The following CLUL1 variants were observed in gnomAD, a reference collection of about 807,000 sequenced individuals.
The protein encoded by CLUL1 is clusterin-like protein 1.
Under a neutral mutation model 49.4 loss-of-function variants are expected in CLUL1, and 43 were observed. The observed-to-expected ratio is 0.87, with a 90% CI of 0.68 to 1.12. The LOEUF (loss-of-function observed/expected upper bound fraction) is 1.12, where lower values mean the gene tolerates loss of function less well. Among genes scored for constraint, CLUL1 ranks in the 50% most tolerant of loss-of-function variants. CLUL1 has a pLI of 0.00. For synonymous variants in CLUL1, 192 were observed against 184.9 expected, an observed-to-expected ratio of 1.04 and a Z score of -0.31; for missense variants, 486 against 544.4, an observed-to-expected ratio of 0.89 and a Z score of 1.07.
chr18:605,201 T>C (rs970456398), intron 1 of CLUL1, among the ~76,000 whole-genome samples: 4 of 152,252 alleles, frequency 2.6e-5, no homozygotes, highest in Admixed American at 2.0e-4. Context: ...TCTGTGTTTT[T>C]AGTTGTTTGG....
Position 616,136 on chromosome 18 carries a change from G to T in CLUL1, c.-13-1852G>T, listed in dbSNP as rs116537238. 6.9e-3 allele frequency among the ~76,000 whole-genome samples: 1,046 copies of T among 152,282 alleles called. 15 individuals are homozygous for T. Among genetic ancestry groups the T allele is most frequent in the African/African-American group, 0.024 (983 of 41,552 alleles). On this transcript the variant is annotated intron_variant, in intron 2 of 9. Transcript: ENST00000692774. ...ATCATGACTAACAGCTGTCTAAGTT[G>T]TTTTTAAATGAATCATTAAGGGCTA... is the stretch of plus-strand genomic sequence containing the variant.
intron 2 of CLUL1, among the ~76,000 whole-genome samples, chr18:607,474 C>A (rs896683409): frequency 3.9e-5 from 6 of 152,102 alleles, no homozygotes; most frequent in Non-Finnish European, 8.8e-5. Flanking sequence ...AGCTCTGTTG[C>A]CTGGGCTGGA....
At position 627,129 on chromosome 18, in the gene CLUL1, T is replaced by G. The variant is rs2073832138; in HGVS notation, c.456T>G (p.Phe152Leu). 2 of 1,612,702 alleles carry G rather than the reference T, an allele frequency of 1.2e-6. No homozygotes were observed. Among genetic ancestry groups the G allele is most frequent in the Non-Finnish European group, 1.7e-6 (2 of 1,179,160 alleles). The change falls in exon 6 of 10, where the codon TTT becomes TTG. Residue 152 changes from phenylalanine to leucine, a missense_variant. Phe to Leu is a conservative substitution (Grantham distance 22). Coordinates refer to ENST00000692774, the MANE Select transcript of CLUL1 (RefSeq NM_001393344.1). ...GGTTTTTCAGGAAGATATATCAATTTCTATTTCCTTTCCATGAAGATAATG... is the reference window on the plus strand; with the variant it reads ...GGTTTTTCAGGAAGATATATCAATTGCTATTTCCTTTCCATGAAGATAATG... ...IERFFRKIYQFLFPFHEDNEK... is the reference protein window; with the variant it reads ...IERFFRKIYQLLFPFHEDNEK...
At chr18:636,017 G>A (rs2074127693) in intron 7 of CLUL1, among the ~76,000 whole-genome samples, 1 of 152,248 alleles carries the variant, frequency 6.6e-6, no homozygotes, top group Middle Eastern at 3.4e-3. Flanking sequence ...TTACAGGTGT[G>A]AGCCATCGCG....
chr18:629,273 C>T (rs1055842782), intron 6 of CLUL1, among the ~76,000 whole-genome samples: 10 of 152,108 alleles, frequency 6.6e-5, no homozygotes, highest in Non-Finnish European at 1.0e-4. Context: ...AAACACCAGG[C>T]GAGTAGACTA....
chr18:641,733 A>T (rs938310522), intron 8 of CLUL1, among the ~76,000 whole-genome samples, 192 bp downstream of exon 8: 10 of 152,272 alleles, frequency 6.6e-5, no homozygotes, highest in African/African-American at 2.2e-4. Context: ...AAGTCCATAA[A>T]GAAAATCAAT....
rs2074437105 is a variant in CLUL1, at chr18:645,101, A to G, written c.1397+4A>G. ...TTAAGGAACATTTTAAAACCTGGTA[A>G]GCAGAGTGCCTGGTTAGGAATGCCT... On this transcript the variant is annotated splice_donor_region_variant and intron_variant, in intron 9 of 9. Transcript: ENST00000692774. 6.3e-7 allele frequency: 1 copy of G among 1,587,472 alleles called. No individual in the cohort carries two copies. Among genetic ancestry groups the G allele is most frequent in the African/African-American group, 1.4e-5 (1 of 72,598 alleles).
rs772776058 is a variant in CLUL1, at chr18:641,377, T to C, written c.1045T>C (p.Leu349=). The change falls in exon 8 of 10, where the codon TTG becomes CTG. Residue 349 remains leucine (L), a synonymous_variant. Coordinates refer to ENST00000692774, the MANE Select transcript of CLUL1 (RefSeq NM_001393344.1). ...CACAGAATTAGACGAGGCGATCAGG[T>C]TGGTCAATGTATCCAATCAGCAGTA... The part of the protein sequence containing the change: ...LHTELDEAIR[L]VNVSNQQYGQ... 6.2e-7 allele frequency: 1 copy of C among 1,614,054 alleles called. No homozygotes were observed. The highest frequency in any genetic ancestry group is 1.3e-5 in the African/African-American group (1 of 74,934).
intron 8 of CLUL1, among the ~76,000 whole-genome samples, chr18:642,329 G>T (rs2074367047): frequency 6.6e-6 from 1 of 152,172 alleles, no homozygotes. Flanking sequence ...CTACTCAGGA[G>T]GCTGAGGCAG....
Position 618,009 on chromosome 18 carries a change from G to A in CLUL1, c.9G>A (p.Pro3=), listed in dbSNP as rs1209650971. The part of the protein sequence containing the change: MK[P]PLLVFIVCLL... ...GCAGTAACAGCGGGAACATGAAGCC[G>A]CCACTCTTGGTGTTTATTGTGTGTC... Residue 3 remains proline, a synonymous_variant, in exon 3 of 10, where the codon CCG becomes CCA. Transcript: ENST00000692774. This position sits in a 1 kb window ranked among gnomAD's most constrained non-coding sequence, Gnocchi z 4.2. 11 of 1,613,860 alleles carry A rather than the reference G, an allele frequency of 6.8e-6. No homozygotes were observed. The highest frequency in any genetic ancestry group is 6.7e-5 in the East Asian group (3 of 44,892).
chr18:644,417 A>C (rs2074416507), intron 8 of CLUL1, among the ~76,000 whole-genome samples: 1 of 152,256 alleles, frequency 6.6e-6, no homozygotes, highest in Non-Finnish European at 1.5e-5. Context: ...AGGAAAACTC[A>C]GTACAAAACT....
chr18:603,270 TG>T (rs1340338021), intron 1 of CLUL1, among the ~76,000 whole-genome samples: 1 of 151,888 alleles, frequency 6.6e-6, no homozygotes, highest in Non-Finnish European at 1.5e-5. Flanking sequence ...CCCATTTGTA[TG>T]GTAGAGTTTA....
chr18:602,062 G>GA (rs890839254), intron 1 of CLUL1, among the ~76,000 whole-genome samples: 7 of 151,332 alleles, frequency 4.6e-5, no homozygotes, highest in Non-Finnish European at 7.4e-5. Flanking sequence ...CTCTATGAAA[G>GA]AAAAAAAAAT....
At chr18:608,448 T>C (rs920196080) in intron 2 of CLUL1, among the ~76,000 whole-genome samples, 2 of 142,554 alleles carry the variant, frequency 1.4e-5, no homozygotes, top group Admixed American at 6.7e-5. Flanking sequence ...GTTTTAAAAA[T>C]TATTCACTTC....
At chr18:623,473 C>T (rs1282531635) in intron 4 of CLUL1, among the ~76,000 whole-genome samples, 3 of 151,860 alleles carry the variant, frequency 2.0e-5, no homozygotes, top group African/African-American at 7.3e-5. Flanking sequence ...GGTGAAACTC[C>T]GTCTCTACTA....
At position 606,513 on chromosome 18, in the gene CLUL1, A is replaced by G. The variant is rs1002837086; in HGVS notation, c.-135-465A>G. Among the ~76,000 whole-genome samples, 2 of 151,734 alleles carry G rather than the reference A, an allele frequency of 1.3e-5. No homozygotes were observed. Among genetic ancestry groups the G allele is most frequent in the Non-Finnish European group, 2.9e-5 (2 of 67,932 alleles). On this transcript the variant is annotated intron_variant, in intron 1 of 9. Coordinates refer to ENST00000692774, the MANE Select transcript of CLUL1 (RefSeq NM_001393344.1). This position sits in a 1 kb window ranked among gnomAD's most constrained non-coding sequence, Gnocchi z 4.1. ...AAGTCCCGGAACCCACAGCTCTGAG[A>G]CTCTGGCTGTCCCCCAACCCACCCC...
At chr18:641,062 G>T (rs2074330809) in intron 7 of CLUL1, among the ~76,000 whole-genome samples, 2 of 152,132 alleles carry the variant, frequency 1.3e-5, no homozygotes, top group Admixed American at 1.3e-4. Context: ...AATATAGGTG[G>T]TAGGCATGTG....
rs68150473 is a variant in CLUL1 at position 636,624 on chromosome 18, CTT to C, written c.994+3207_994+3208del. Among the ~76,000 whole-genome samples, 30 of 122,018 alleles carry C rather than the reference CTT, an allele frequency of 2.5e-4. 1 individual carries two copies. The highest frequency in any genetic ancestry group is 7.1e-4 in the East Asian group (3 of 4,202). The allele number at this position is 122,018 out of a possible 152,430, so 80.0% of individuals were successfully genotyped here. A position where few individuals can be genotyped will look rare whatever the true frequency, so the allele number is the denominator to read the frequency against. ...AGAGTCGACAACACTCCCTTTCTCT[CTT>C]TTTTTTTTTTTTTTTTTGTGCCAGA... On this transcript the variant is annotated intron_variant, in intron 7 of 9. Transcript: ENST00000692774.
At chr18:627,561 G>A in intron 6 of CLUL1, 32 bp downstream of exon 6, 1 of 1,484,830 alleles carries the variant, frequency 6.7e-7, no homozygotes, top group Non-Finnish European at 9.2e-7. Flanking sequence ...TTACTTAGAG[G>A]TTTACACTAA....
Sources: allele counts gnomAD v4.1 joint callset (sites outside exome capture counted in the v4.1 genomes callset), GRCh38; gene constraint gnomAD v4.1.1; non-coding constraint Gnocchi (gnomAD v3.1); transcripts MANE v1.5; gene names NCBI Gene and HGNC (gene_info 2026-07-23, HGNC 2026-07-21).